Variants in OPCML observed in about 807,000 individuals in gnomAD.
OPCML encodes opioid binding protein/cell adhesion molecule like.
Under a neutral mutation model 37.8 loss-of-function variants are expected in OPCML, and 13 were observed. The observed-to-expected ratio is 0.34, with a 90% CI of 0.22 to 0.55. The LOEUF (loss-of-function observed/expected upper bound fraction) is 0.55, where lower values mean the gene tolerates loss of function less well. Ranked by LOEUF, OPCML falls within the 20% of genes least tolerant of loss-of-function variation. The pLI is 0.91. For missense variants in OPCML, 341 were observed against 435.6 expected, an observed-to-expected ratio of 0.78 and a Z score of 1.93; for synonymous variants, 176 against 168.8, an observed-to-expected ratio of 1.04 and a Z score of -0.33.
At chr11:133,404,975 T>C (rs1230065074) in intron 1 of OPCML, among the ~76,000 whole-genome samples, 1 of 152,218 alleles carries the variant, frequency 6.6e-6, no homozygotes, top group Non-Finnish European at 1.5e-5. Context: ...TAGAGTTTCA[T>C]TATGTCTGTG....
At chr11:132,804,579 G>A (rs1362938444) in intron 2 of OPCML, among the ~76,000 whole-genome samples, 1 of 151,974 alleles carries the variant, frequency 6.6e-6, no homozygotes, top group African/African-American at 2.4e-5. Context: ...CTAGAATGAT[G>A]AGATCTACCC....
intron 1 of OPCML, among the ~76,000 whole-genome samples, chr11:133,122,101 T>G (rs1949431794): frequency 6.6e-6 from 1 of 152,198 alleles, no homozygotes; most frequent in African/African-American, 2.4e-5. Flanking sequence ...AACTTAGGAA[T>G]AGTGTAAAAT....
chr11:132,832,472 T>C (rs1940751950), intron 2 of OPCML, among the ~76,000 whole-genome samples: 1 of 152,204 alleles, frequency 6.6e-6, no homozygotes, highest in African/African-American at 2.4e-5. Context: ...ATCTGGGCCA[T>C]GAACAGACTT....
At chr11:132,644,504 TAAAAG>T (rs1426396073) in intron 3 of OPCML, among the ~76,000 whole-genome samples, 2 of 152,042 alleles carry the variant, frequency 1.3e-5, no homozygotes, top group African/African-American at 2.4e-5. Context: ...GAAAAAAAAT[TAAAAG>T]AAAGAAGAAT....
At chr11:132,792,855 G>GC (rs374548512) in intron 2 of OPCML, among the ~76,000 whole-genome samples, 1 of 152,194 alleles carries the variant, frequency 6.6e-6, no homozygotes, top group African/African-American at 2.4e-5. Context: ...TATTCGCCGG[G>GC]CCCGGGCAGC....
At chr11:133,130,134 A>T (rs1441384618) in intron 1 of OPCML, among the ~76,000 whole-genome samples, 1 of 152,092 alleles carries the variant, frequency 6.6e-6, no homozygotes, top group Non-Finnish European at 1.5e-5. Context: ...ATACTTCCAG[A>T]AATAAAAAGC....
chr11:132,657,076 C>G lies in OPCML; in HGVS notation c.379+11G>C. 4 of 1,612,462 alleles carry G rather than the reference C, an allele frequency of 2.5e-6. No homozygotes were observed. The highest frequency in any genetic ancestry group is 2.2e-5 in the East Asian group (1 of 44,858). On this transcript the variant is annotated intron_variant, in intron 3 of 7. Transcript: ENST00000524381. The stretch of plus-strand genomic sequence containing the variant: ...ACGGGAATGGCAACCCCAGATCCAG[C>G]TGGGACTTACCTTGCACTATTAGGT...
intron 1 of OPCML, among the ~76,000 whole-genome samples, chr11:133,435,759 T>G (rs1325856729): frequency 6.6e-6 from 1 of 152,242 alleles, no homozygotes; most frequent in East Asian, 1.9e-4. Context: ...ACATTATCTC[T>G]GACTTTGTTT....
chr11:133,192,034 G>A (rs1045222699), intron 1 of OPCML, among the ~76,000 whole-genome samples: 8 of 152,094 alleles, frequency 5.3e-5, no homozygotes, highest in Non-Finnish European at 1.2e-4. Flanking sequence ...TTCTAGATAG[G>A]TACAGTAAAA....
intron 3 of OPCML, among the ~76,000 whole-genome samples, chr11:132,642,260 G>A (rs928062504): frequency 6.6e-6 from 1 of 152,132 alleles, no homozygotes; most frequent in African/African-American, 2.4e-5. Context: ...AAAGTTATCT[G>A]CTTCATCTCT....
chr11:133,334,604 A>C (rs1459762343), intron 1 of OPCML, among the ~76,000 whole-genome samples: 1 of 152,214 alleles, frequency 6.6e-6, no homozygotes. Flanking sequence ...ACATGTGTTT[A>C]TCTTTGTAAC....
At chr11:133,332,845 A>G (rs1011856502) in intron 1 of OPCML, among the ~76,000 whole-genome samples, 1 of 152,070 alleles carries the variant, frequency 6.6e-6, no homozygotes, top group Non-Finnish European at 1.5e-5. Context: ...GTGTTGCTGG[A>G]TTTGGTTTGC....
At chr11:133,350,234 G>C (rs1944102059) in intron 1 of OPCML, among the ~76,000 whole-genome samples, 1 of 152,218 alleles carries the variant, frequency 6.6e-6, no homozygotes, top group African/African-American at 2.4e-5. Flanking sequence ...TATAATTTAA[G>C]TGCCACTGGG....
At position 133,418,128 on chromosome 11, in the gene OPCML, G is replaced by C. The variant is rs188528720; in HGVS notation, c.61+114136C>G. On this transcript the variant is annotated intron_variant, in intron 1 of 7. Transcript: ENST00000524381. Reference sequence around the variant, plus strand: ...ACTGGTAAGAATATGGCGTGAAGTCGAAGACAGCAGGAAACAATCAAGAAA... The same window carrying C: ...ACTGGTAAGAATATGGCGTGAAGTCCAAGACAGCAGGAAACAATCAAGAAA... The C allele has an allele frequency of 3.0e-6, 3 of 985,362 alleles. No homozygotes were observed. The Admixed American group carries it at 1.8e-4, about 61-fold the overall frequency. The allele number at this position is 985,362 out of a possible 1,614,324, so 61.0% of individuals were successfully genotyped here. A position where few individuals can be genotyped will look rare whatever the true frequency, so the allele number is the denominator to read the frequency against.
Position 132,568,053 on chromosome 11 carries a change from CGT to C in OPCML, c.380-38869_380-38868del, listed in dbSNP as rs1008607501. Among the ~76,000 whole-genome samples the C allele has an allele frequency of 1.3e-3, 176 of 140,106 alleles. 1 individual carries two copies. The highest frequency in any genetic ancestry group is 1.4e-3 in the Non-Finnish European group (94 of 64,994). The allele number at this position is 140,106 out of a possible 152,430, so 91.9% of individuals were successfully genotyped here. A position where few individuals can be genotyped will look rare whatever the true frequency, so the allele number is the denominator to read the frequency against. On this transcript the variant is annotated intron_variant, in intron 3 of 7. Transcript: ENST00000524381. Reference sequence around the variant, plus strand: ...GTGTGTGTGTGTGTGCGCGCGCGCGCGTGTGTGTGTGTGTGTTTGATTAGTCA... The same window carrying C: ...GTGTGTGTGTGTGTGCGCGCGCGCGCGTGTGTGTGTGTGTTTGATTAGTCA...
At chr11:132,809,876 T>A (rs1370885429) in intron 2 of OPCML, among the ~76,000 whole-genome samples, 9 of 152,018 alleles carry the variant, frequency 5.9e-5, no homozygotes, top group South Asian at 4.1e-4. Flanking sequence ...TTTGAGACGG[T>A]ATCTTGCTCT....
At chr11:132,533,877 T>G (rs143021818) in intron 3 of OPCML, among the ~76,000 whole-genome samples, 1 of 152,324 alleles carries the variant, frequency 6.6e-6, no homozygotes, top group African/African-American at 2.4e-5. Context: ...AAGACAATCT[T>G]GTTTATGCCT....
intron 1 of OPCML, among the ~76,000 whole-genome samples, chr11:132,968,456 C>G (rs573238441): frequency 1.3e-5 from 2 of 152,276 alleles, no homozygotes; most frequent in African/African-American, 4.8e-5. Context: ...TCTCTTCCTC[C>G]TTGAAATTCT....
chr11:132,714,414 G>T (rs1180099690), intron 2 of OPCML, among the ~76,000 whole-genome samples: 1 of 152,188 alleles, frequency 6.6e-6, no homozygotes, highest in South Asian at 2.1e-4. Context: ...GCACAGAGTA[G>T]AAAGTTCACA....
Sources: allele counts gnomAD v4.1 joint callset (sites outside exome capture counted in the v4.1 genomes callset), GRCh38; gene constraint gnomAD v4.1.1; transcripts MANE v1.5; gene names NCBI Gene and HGNC (gene_info 2026-07-23, HGNC 2026-07-21).